Variants in MAMDC2 observed in about 807,000 individuals in gnomAD.
The protein encoded by MAMDC2 is MAM domain containing 2.
Under a neutral mutation model 89.8 loss-of-function variants are expected in MAMDC2, and 57 were observed. That is an observed-to-expected ratio of 0.63 (90% CI 0.51 to 0.79). The LOEUF is 0.79. Among genes scored for constraint, MAMDC2 ranks in the 30% least tolerant of loss-of-function variants. MAMDC2 has a pLI of 0.00. For missense variants in MAMDC2, 800 were observed against 820.6 expected, an observed-to-expected ratio of 0.97 and a Z score of 0.31; for synonymous variants, 313 against 293.4, an observed-to-expected ratio of 1.07 and a Z score of -0.68.
chr9:70,121,806 A>G (rs1324194291), intron 5 of MAMDC2, among the ~76,000 whole-genome samples: 2 of 152,112 alleles, frequency 1.3e-5, no homozygotes, highest in East Asian at 3.9e-4. Flanking sequence ...ACTAGGCAGG[A>G]AGATTCTCCT....
chr9:70,101,709 A>G (rs1828201692), intron 2 of MAMDC2, among the ~76,000 whole-genome samples: 1 of 152,204 alleles, frequency 6.6e-6, no homozygotes, highest in Non-Finnish European at 1.5e-5. Context: ...ATCTAGGTTC[A>G]TGAAGTACAC....
rs1351414746 is a variant in MAMDC2 at position 70,131,554 on chromosome 9, A to T, written c.936A>T (p.Gly312=). ...IFEVAFNGPK[G]GYVALDDISF... ...AAGTTGCTTTCAATGGTCCCAAGGG[A>T]GGTTATGTTGCCCTGGATGATATTT... The change falls in exon 7 of 14, where the codon GGA becomes GGT. Residue 312 remains glycine, a synonymous_variant. Transcript: ENST00000377182. 1 of 1,608,536 alleles carries T rather than the reference A, an allele frequency of 6.2e-7. No homozygotes were observed. Among genetic ancestry groups the T allele is most frequent in the Non-Finnish European group, 8.5e-7 (1 of 1,178,756 alleles).
intron 5 of MAMDC2, 118 bp downstream of exon 5, chr9:70,113,250 G>A: frequency 8.4e-7 from 1 of 1,196,682 alleles, no homozygotes; most frequent in Non-Finnish European, 1.2e-6. Context: ...AGGGAGGAGG[G>A]TGAGTAGGAA....
At chr9:70,053,689 G>A (rs1826964586) in intron 2 of MAMDC2, among the ~76,000 whole-genome samples, 4 of 152,204 alleles carry the variant, frequency 2.6e-5, no homozygotes, top group Admixed American at 2.6e-4. Flanking sequence ...ATACAGAGAT[G>A]CAAGGTGTAG....
rs1563959843 is a variant in MAMDC2, at chr9:70,112,974, GT to G, written c.506-16del. ...AGGTGTGACTGTGTCTCCATGAAGT[GT>G]TTTTGTTTCCCTTCCCCAGAATGTG... On this transcript the variant is annotated intron_variant, in intron 4 of 13. Coordinates refer to ENST00000377182, the MANE Select transcript of MAMDC2 (RefSeq NM_153267.5). 6.2e-7 allele frequency: 1 copy of G among 1,613,972 alleles called. No homozygotes were observed. Among genetic ancestry groups the G allele is most frequent in the South Asian group, 1.1e-5 (1 of 91,072 alleles).
chr9:70,074,208 TC>T (rs1465424974), intron 2 of MAMDC2, among the ~76,000 whole-genome samples: 3 of 152,170 alleles, frequency 2.0e-5, no homozygotes, highest in Non-Finnish European at 4.4e-5. Flanking sequence ...AAATTCTCCA[TC>T]TATTATGAAT....
chr9:70,068,487 G>A (rs1035489104), intron 2 of MAMDC2, among the ~76,000 whole-genome samples: 2 of 152,034 alleles, frequency 1.3e-5, no homozygotes, highest in African/African-American at 2.4e-5. Flanking sequence ...GGAGGCCATG[G>A]TGGGTAGATC....
In MAMDC2 at chr9:70,044,116, C is replaced by A; in HGVS notation, c.-82C>A. ...GGGTCCCCGGCGCCCCCGCCTCCCACGATCCCTTTCACTAGGAGCAGCCAG... is the reference window on the plus strand; with the variant it reads ...GGGTCCCCGGCGCCCCCGCCTCCCAAGATCCCTTTCACTAGGAGCAGCCAG... On this transcript the variant is annotated 5_prime_UTR_variant, in exon 1 of 14. Coordinates refer to ENST00000377182, the MANE Select transcript of MAMDC2 (RefSeq NM_153267.5). 2 of 1,552,112 alleles carry A rather than the reference C, an allele frequency of 1.3e-6. No homozygotes were observed. The highest frequency in any genetic ancestry group is 1.8e-6 in the Non-Finnish European group (2 of 1,128,082).
chr9:70,206,611 ATTT>A (rs150789748), intron 11 of MAMDC2, among the ~76,000 whole-genome samples: 2 of 151,784 alleles, frequency 1.3e-5, no homozygotes, highest in Admixed American at 1.3e-4. Flanking sequence ...TTTGTTTCAT[ATTT>A]TTTTTGGTAT....
chr9:70,197,409 G>C (rs529836928), intron 11 of MAMDC2, among the ~76,000 whole-genome samples: 1 of 152,156 alleles, frequency 6.6e-6, no homozygotes, highest in Admixed American at 6.6e-5. Flanking sequence ...TTGATGAAAT[G>C]GAAGAACATA....
At position 70,043,903 on chromosome 9, in the gene MAMDC2, C is replaced by T. The variant is rs1826665485; in HGVS notation, c.-295C>T. On this transcript the variant is annotated 5_prime_UTR_variant, in exon 1 of 14. Coordinates refer to ENST00000377182, the MANE Select transcript of MAMDC2 (RefSeq NM_153267.5). ...GCCTTTCAAAGTGTGCAGTTGTCTCCTCCCTGTCCAGCCCCATCGTCGCCC... is the reference window on the plus strand; with the variant it reads ...GCCTTTCAAAGTGTGCAGTTGTCTCTTCCCTGTCCAGCCCCATCGTCGCCC... The T allele has an allele frequency of 3.7e-6, 2 of 545,026 alleles. No homozygotes were observed. The highest frequency in any genetic ancestry group is 6.2e-5 in the East Asian group (2 of 32,266). 33.8% of individuals were successfully genotyped at this position (545,026 alleles called of 1,614,324 possible). A position where few individuals can be genotyped will look rare whatever the true frequency, so the allele number is the denominator to read the frequency against.
chr9:70,146,780 C>A (rs1056880915), intron 9 of MAMDC2, among the ~76,000 whole-genome samples: 6 of 149,824 alleles, frequency 4.0e-5, no homozygotes, highest in Non-Finnish European at 8.9e-5. Flanking sequence ...TAAAAAAATA[C>A]AAAAATTAGC....
intron 11 of MAMDC2, among the ~76,000 whole-genome samples, chr9:70,177,972 C>A (rs1198714013): frequency 6.6e-6 from 1 of 152,200 alleles, no homozygotes; most frequent in East Asian, 1.9e-4. Flanking sequence ...TAAACTTTTT[C>A]TGATCTATTT....
intron 6 of MAMDC2, among the ~76,000 whole-genome samples, chr9:70,126,765 CTCAG>C (rs1029546410): frequency 4.6e-5 from 7 of 151,994 alleles, no homozygotes; most frequent in African/African-American, 1.5e-4. Context: ...CCAAGTAAAA[CTCAG>C]TCTTGAGCTA....
chr9:70,164,841 T>C (rs2032112331), intron 9 of MAMDC2, among the ~76,000 whole-genome samples: 1 of 151,888 alleles, frequency 6.6e-6, no homozygotes. Flanking sequence ...AACCTCTCTA[T>C]GCTGCCCAGG....
At chr9:70,181,073 T>C (rs1212625612) in intron 11 of MAMDC2, among the ~76,000 whole-genome samples, 2 of 152,248 alleles carry the variant, frequency 1.3e-5, no homozygotes, top group Non-Finnish European at 2.9e-5. Context: ...TGCATATGGC[T>C]AGCCAGTTTT....
chr9:70,104,151 T>C (rs897164396), intron 2 of MAMDC2, among the ~76,000 whole-genome samples: 4 of 152,228 alleles, frequency 2.6e-5, no homozygotes, highest in South Asian at 4.1e-4. Flanking sequence ...ACAGACATTT[T>C]TCCAAAGTAG....
intron 9 of MAMDC2, among the ~76,000 whole-genome samples, chr9:70,167,402 G>T (rs1004001634): frequency 1.1e-4 from 17 of 152,036 alleles, no homozygotes; most frequent in African/African-American, 3.9e-4. Flanking sequence ...AAAAGCAAAA[G>T]AACCCTACTG....
At chr9:70,108,790 C>T (rs561598335) in intron 3 of MAMDC2, among the ~76,000 whole-genome samples, 9 of 152,256 alleles carry the variant, frequency 5.9e-5, no homozygotes, top group African/African-American at 2.2e-4. Context: ...ATTCTCATTT[C>T]TATAATTTTA....
Sources: allele counts gnomAD v4.1 joint callset (sites outside exome capture counted in the v4.1 genomes callset), GRCh38; gene constraint gnomAD v4.1.1; transcripts MANE v1.5; gene names NCBI Gene and HGNC (gene_info 2026-07-23, HGNC 2026-07-21).